PER3: variants seen among roughly 807,000 people sequenced by gnomAD.
The protein encoded by PER3 is period circadian protein homolog 3.
PER3 carries 107 observed loss-of-function variants against 127.2 expected under a neutral mutation model. The observed-to-expected ratio is 0.84, with a 90% CI of 0.72 to 0.99. The LOEUF (loss-of-function observed/expected upper bound fraction) is 0.99. Among genes scored for constraint, PER3 ranks in the 50% least tolerant of loss-of-function variants. The pLI, the probability that PER3 is intolerant of heterozygous loss-of-function variation, is 0.00. For missense variants in PER3, 1,560 were observed against 1,525.8 expected (o/e 1.02, Z -0.37); for synonymous variants, 618 against 585.8 (o/e 1.05, Z -0.79).
rs576768127 is a variant in PER3 at position 7,787,301 on chromosome 1, T to G, written c.390+465T>G. 4.3e-4 allele frequency: 51 copies of G among 119,724 alleles called. No homozygotes were observed. In the Admixed American group the frequency reaches 0.016, roughly 36 times the overall value. 7.4% of individuals were successfully genotyped at this position (119,724 alleles called of 1,614,324 possible). ...AATTTTGGAAGAGACCTTTAGTATA[T>G]CTTTTTTAATCTCTCTTCTTGTTTG... On this transcript the variant is annotated intron_variant, in intron 4 of 21. Transcript: ENST00000377532.
chr1:7,799,353 C>T (rs979877210), intron 7 of PER3, among the ~76,000 whole-genome samples: 1 of 152,090 alleles, frequency 6.6e-6, no homozygotes, highest in Non-Finnish European at 1.5e-5. Context: ...GCCTGTAATC[C>T]CAGCACTTTG....
chr1:7,840,502 G>A (rs2097380837), intron 21 of PER3, among the ~76,000 whole-genome samples: 2 of 151,780 alleles, frequency 1.3e-5, no homozygotes, highest in African/African-American at 4.8e-5. Context: ...AATTTTCGTA[G>A]AGATGGAGTT....
At chr1:7,785,218 G>T (rs1201485195) in intron 2 of PER3, among the ~76,000 whole-genome samples, 8 of 152,204 alleles carry the variant, frequency 5.3e-5, no homozygotes, top group Non-Finnish European at 7.3e-5. Flanking sequence ...AAAGTTAGCT[G>T]AGTTGGGGCT....
intron 16 of PER3, among the ~76,000 whole-genome samples, chr1:7,823,433 A>G (rs1217194896): frequency 6.6e-6 from 1 of 152,210 alleles, no homozygotes; most frequent in Admixed American, 6.5e-5. Flanking sequence ...ACCTGAGGTC[A>G]GGAGTTTGAG....
intron 13 of PER3, among the ~76,000 whole-genome samples, chr1:7,815,693 A>G (rs1470379602): frequency 6.6e-6 from 1 of 152,124 alleles, no homozygotes; most frequent in Non-Finnish European, 1.5e-5. Flanking sequence ...AAGGGAAATA[A>G]AAACATTTTG....
At chr1:7,814,622 A>G (rs184689949) in intron 13 of PER3, among the ~76,000 whole-genome samples, 1 of 152,348 alleles carries the variant, frequency 6.6e-6, no homozygotes, top group African/African-American at 2.4e-5. Context: ...AAAAACTTGG[A>G]TCTACACAAA....
Position 7,798,700 on chromosome 1 carries a change from T to C in PER3, c.793+27T>C, listed in dbSNP as rs1165609346. 3.8e-6 allele frequency: 6 copies of C among 1,592,716 alleles called. No individual in the cohort carries two copies. The Admixed American group carries it at 8.4e-5, about 22-fold the overall frequency. Reference sequence around the variant, plus strand: ...TAAGTCAGTAGATAAGATGCAGAAATGTCAGCAATCAGATAGGAACATGGG... The same window carrying C: ...TAAGTCAGTAGATAAGATGCAGAAACGTCAGCAATCAGATAGGAACATGGG... On this transcript the variant is annotated intron_variant, in intron 7 of 21. Coordinates refer to ENST00000377532, the MANE Select transcript of PER3 (RefSeq NM_001377275.1).
intron 14 of PER3, 152 bp from the exon 15 acceptor site, chr1:7,819,963 C>A: frequency 2.7e-6 from 2 of 728,178 alleles, no homozygotes; most frequent in Non-Finnish European, 2.4e-6. Context: ...TGTTACAATC[C>A]AGTGATTGAG....
intron 1 of PER3, 54 bp downstream of exon 1, chr1:7,784,430 C>T (rs1394120705): frequency 1.3e-5 from 2 of 152,532 alleles, no homozygotes; most frequent in Non-Finnish European, 2.9e-5. Flanking sequence ...GTTCTGGGCA[C>T]TCGCGCGCGG....
chr1:7,835,506 T>C (rs2097353610), intron 19 of PER3, among the ~76,000 whole-genome samples: 2 of 152,160 alleles, frequency 1.3e-5, no homozygotes, highest in South Asian at 4.1e-4. Context: ...ATTTTGGAGA[T>C]GGAGCGGTTA....
chr1:7,809,129 T>C, intron 11 of PER3, 131 bp downstream of exon 11: 1 of 573,776 alleles, frequency 1.7e-6, no homozygotes, highest in Admixed American at 3.7e-5. Context: ...GAAATTTTTG[T>C]CTTTCTCTTT....
chr1:7,838,084 T>C (rs2097366643), intron 21 of PER3, among the ~76,000 whole-genome samples: 1 of 151,892 alleles, frequency 6.6e-6, no homozygotes, highest in African/African-American at 2.4e-5. Flanking sequence ...TGTGTAAAAA[T>C]ATTTTTAAAA....
At chr1:7,836,236 G>T (rs967404302) in intron 20 of PER3, among the ~76,000 whole-genome samples, 2 of 152,212 alleles carry the variant, frequency 1.3e-5, no homozygotes, top group South Asian at 4.2e-4. Flanking sequence ...CTGGAGTGCC[G>T]TGGTGCCATC....
intron 13 of PER3, among the ~76,000 whole-genome samples, chr1:7,812,396 G>C (rs2097222733): frequency 6.6e-6 from 1 of 151,690 alleles, no homozygotes; most frequent in Non-Finnish European, 1.5e-5. Context: ...GGAGCCCGAG[G>C]TGGGCAGATC....
At chr1:7,827,049 G>A in intron 17 of PER3, 69 bp from the exon 18 acceptor site, 1 of 1,210,926 alleles carries the variant, frequency 8.3e-7, no homozygotes, top group Non-Finnish European at 1.1e-6. Flanking sequence ...ATAACTACCT[G>A]TAAGTGGCAT....
Position 7,827,186 on chromosome 1 carries a change from C to T in PER3, c.2257C>T (p.Pro753Ser). ...AGGGAAGCACAAGCGGAAGAAGCTG[C>T]CGGAGCCGCCAGACAGCAGCAGCTC... ...RKGKHKRKKLPEPPDSSSSNT... is the reference protein window; with the variant it reads ...RKGKHKRKKLSEPPDSSSSNT... The change falls in exon 18 of 22, where the codon CCG (proline) becomes TCG (serine). Residue 753 changes from proline (P) to serine (S), a missense_variant. By Grantham distance (74) the Pro-to-Ser change is moderately conservative (BLOSUM62 -1). Around this residue, in one of 3 missense-constraint regions of PER3, gnomAD observed 1,332 missense variants for 1,223.6 expected, o/e 1.09. Coordinates refer to ENST00000377532, the MANE Select transcript of PER3 (RefSeq NM_001377275.1). 1.9e-6 allele frequency: 3 copies of T among 1,612,974 alleles called. No individual in the cohort carries two copies. The highest frequency in any genetic ancestry group is 2.5e-6 in the Non-Finnish European group (3 of 1,179,604).
intron 2 of PER3, 21 bp downstream of exon 2, chr1:7,785,026 C>T (rs762293407): frequency 7.7e-6 from 12 of 1,565,786 alleles, no homozygotes; most frequent in African/African-American, 2.8e-5. Flanking sequence ...GGCTTCAGGC[C>T]GAGGGCCCCA....
chr1:7,815,554 C>T (rs185234601), intron 13 of PER3, among the ~76,000 whole-genome samples: 18 of 152,252 alleles, frequency 1.2e-4, no homozygotes, highest in African/African-American at 4.1e-4. Context: ...AATATCAGAG[C>T]TGTTTATTCT....
At chr1:7,825,468 C>G (rs763702185) in intron 16 of PER3, among the ~76,000 whole-genome samples, 6 of 152,098 alleles carry the variant, frequency 3.9e-5, no homozygotes, top group Non-Finnish European at 8.8e-5. Flanking sequence ...ACTGTCTAGC[C>G]ACTGATAAAG....
Sources: gnomAD v4.1 joint callset for allele counts (sites outside exome capture counted in the v4.1 genomes callset) on GRCh38, gnomAD v4.1.1 for gene constraint, gnomAD v4.1.1 regional missense constraint, MANE v1.5 for transcripts, NCBI Gene and HGNC (gene_info 2026-07-23, HGNC 2026-07-21) for gene names.